The following GSTO2 variants were observed in gnomAD, a reference collection of about 807,000 sequenced individuals.
GSTO2 encodes the protein glutathione S-transferase omega 2, also known as glutathione S-transferase omega-2.
Under a neutral mutation model 28.4 loss-of-function variants are expected in GSTO2, and 23 were observed. The ratio of observed to expected loss-of-function variants is 0.81; its 90% CI spans 0.58 to 1.15. The LOEUF (loss-of-function observed/expected upper bound fraction) is 1.15, where lower values mean the gene tolerates loss of function less well. Ranked by LOEUF, GSTO2 falls within the 50% of genes most tolerant of loss-of-function variation. GSTO2 has a pLI of 0.00. For missense variants in GSTO2, 298 were observed against 297.8 expected (o/e 1.00, Z 0.00); for synonymous variants, 109 against 111.0 (o/e 0.98, Z 0.11).
At position 104,297,570 on chromosome 10, in the gene GSTO2, A is replaced by G; in HGVS notation, c.469-8A>G. On this transcript the variant is annotated splice_polypyrimidine_tract_variant and splice_region_variant and intron_variant, in intron 5 of 6. Coordinates refer to ENST00000338595, the MANE Select transcript of GSTO2 (RefSeq NM_183239.2). Reference sequence around the variant, plus strand: ...ACTTATTTGCTTTTGCTTTGTTTCCATTTTTAGATTCTTGAGTATCAGAAC... The same window carrying G: ...ACTTATTTGCTTTTGCTTTGTTTCCGTTTTTAGATTCTTGAGTATCAGAAC... The G allele has an allele frequency of 6.3e-7, 1 of 1,585,998 alleles. No individual in the cohort carries two copies. Among genetic ancestry groups the G allele is most frequent in the Middle Eastern group, 1.8e-4 (1 of 5,710 alleles).
At chr10:104,271,546 C>T (rs1411655352) in intron 1 of GSTO2, among the ~76,000 whole-genome samples, 1 of 148,742 alleles carries the variant, frequency 6.7e-6, no homozygotes, top group Admixed American at 6.6e-5. Flanking sequence ...GATAGCTTGC[C>T]TAAGTGCCAA....
intron 1 of GSTO2, among the ~76,000 whole-genome samples, chr10:104,272,402 T>C (rs1368210698): frequency 6.6e-6 from 1 of 152,030 alleles, no homozygotes; most frequent in African/African-American, 2.4e-5. Context: ...GTAAAAACAT[T>C]TGCCAATCAT....
At chr10:104,281,045 C>T (rs1344004212) in intron 5 of GSTO2, among the ~76,000 whole-genome samples, 1 of 152,178 alleles carries the variant, frequency 6.6e-6, no homozygotes, top group Non-Finnish European at 1.5e-5. Flanking sequence ...GAACCTTGGG[C>T]AATGTTCTGT....
At position 104,297,641 on chromosome 10, in the gene GSTO2, C is replaced by T. The variant is rs1389038334; in HGVS notation, c.532C>T (p.Leu178Phe). The T allele has an allele frequency of 3.1e-6, 5 of 1,613,788 alleles. No homozygotes were observed. The highest frequency in any genetic ancestry group is 4.2e-6 in the Non-Finnish European group (5 of 1,179,744). Reference protein sequence around the residue: ...GTCISMIDYLLWPWFERLDVY... With the variant: ...GTCISMIDYLFWPWFERLDVY... ...CTGTATATCCATGATTGATTACCTC[C>T]TCTGGCCCTGGTTTGAGCGGCTGGA... Residue 178 changes from leucine (L) to phenylalanine (F), a missense_variant, in exon 6 of 7, where the codon CTC becomes TTC. Transcript: ENST00000338595.
chr10:104,270,660 C>G (rs150747603), intron 1 of GSTO2, among the ~76,000 whole-genome samples: 96 of 152,254 alleles, frequency 6.3e-4, no homozygotes, highest in African/African-American at 2.2e-3. Context: ...TTTTACCTAA[C>G]GTATCTCACT....
chr10:104,274,839 T>A lies in GSTO2; in HGVS notation c.-77T>A. The A allele has an allele frequency of 1.3e-6, 2 of 1,547,162 alleles. No homozygotes were observed. Among genetic ancestry groups the A allele is most frequent in the Non-Finnish European group, 1.8e-6 (2 of 1,136,392 alleles). ...GTGCGCGCCAGAGCGCAGCTGTTTC[T>A]GGAGCCTGCGGCAGCGGTGGCGAGC... On this transcript the variant is annotated 5_prime_UTR_variant, in exon 2 of 7. Transcript: ENST00000338595.
intron 1 of GSTO2, among the ~76,000 whole-genome samples, chr10:104,272,138 G>A (rs771662259): frequency 6.6e-6 from 1 of 152,162 alleles, no homozygotes; most frequent in African/African-American, 2.4e-5. Context: ...TATTGATAGT[G>A]GAAGAGACTG....
At chr10:104,276,545 A>G (rs1255737920) in intron 3 of GSTO2, among the ~76,000 whole-genome samples, 1 of 152,118 alleles carries the variant, frequency 6.6e-6, no homozygotes, top group Non-Finnish European at 1.5e-5. Context: ...CCTATGCACT[A>G]CCTTCAGTTG....
intron 3 of GSTO2, among the ~76,000 whole-genome samples, chr10:104,276,955 T>G (rs529262711): frequency 2.6e-5 from 4 of 152,162 alleles, no homozygotes; most frequent in African/African-American, 9.7e-5. Flanking sequence ...GAAGAAGAAT[T>G]AAAAAAGTTA....
chr10:104,269,406 TCCTATTTAG>T, intron 1 of GSTO2, 137 bp downstream of exon 1: 1 of 152,216 alleles, frequency 6.6e-6, no homozygotes, highest in Non-Finnish European at 1.5e-5. Context: ...TTACGAGAAA[TCCTATTTAG>T]CCTTGGCCAC....
In GSTO2 at chr10:104,299,174, A is replaced by G. The variant is rs1326028332; in HGVS notation, c.622A>G (p.Lys208Glu). Residue 208 changes from lysine to glutamate, a missense_variant, in exon 7 of 7, where the codon AAG becomes GAG. Transcript: ENST00000338595. ...CCTGCGGCTCTGGATATCAGCCATG[A>G]AGTGGGACCCCACAGTCTGTGCTCT... Reference protein sequence around the residue: ...PALRLWISAMKWDPTVCALLM... With the variant: ...PALRLWISAMEWDPTVCALLM... 6.2e-7 allele frequency: 1 copy of G among 1,614,240 alleles called. No individual in the cohort carries two copies. Among genetic ancestry groups the G allele is most frequent in the Non-Finnish European group, 8.5e-7 (1 of 1,180,038 alleles).
chr10:104,272,586 A>ATTTTTTTT (rs1564841555), intron 1 of GSTO2, among the ~76,000 whole-genome samples: 2 of 56,900 alleles, frequency 3.5e-5, no homozygotes, highest in Non-Finnish European at 4.4e-5. Context: ...CAGTTATGGG[A>ATTTTTTTT]CTTTTTTTTT....
chr10:104,273,590 C>T (rs914916163), intron 1 of GSTO2, among the ~76,000 whole-genome samples: 1 of 152,190 alleles, frequency 6.6e-6, no homozygotes. Context: ...TAGGCTCTGT[C>T]ATTTTAATAA....
chr10:104,276,062 A>G (rs987103958), intron 3 of GSTO2, among the ~76,000 whole-genome samples: 1 of 152,162 alleles, frequency 6.6e-6, no homozygotes, highest in Non-Finnish European at 1.5e-5. Flanking sequence ...TGGACTGCAT[A>G]ATGCAGCTGG....
chr10:104,286,490 C>A (rs1223271039), intron 5 of GSTO2, among the ~76,000 whole-genome samples: 1 of 152,216 alleles, frequency 6.6e-6, no homozygotes, highest in Non-Finnish European at 1.5e-5. Flanking sequence ...GAAGGTTCCA[C>A]TCTTGGAACT....
In GSTO2 at chr10:104,279,429, T is replaced by A; in HGVS notation, c.426T>A (p.Asn142Lys). The change falls in exon 5 of 7, where the codon AAT becomes AAA. Residue 142 changes from asparagine (N) to lysine (K), a missense_variant. Coordinates refer to ENST00000338595, the MANE Select transcript of GSTO2 (RefSeq NM_183239.2). ...VALRCGRECT[N>K]LKAALRQEFS... ...TGAGATGTGGGAGAGAATGCACTAA[T>A]CTGAAGGCAGCCCTGCGTCAGGAAT... is the stretch of plus-strand genomic sequence containing the variant. The A allele has an allele frequency of 6.2e-7, 1 of 1,614,086 alleles. No homozygotes were observed. Among genetic ancestry groups the A allele is most frequent in the East Asian group, 2.2e-5 (1 of 44,878 alleles).
intron 5 of GSTO2, among the ~76,000 whole-genome samples, chr10:104,289,943 T>A (rs1014676376): frequency 2.6e-5 from 4 of 152,040 alleles, no homozygotes; most frequent in Non-Finnish European, 5.9e-5. Flanking sequence ...CGAATACTGG[T>A]GAGGATGTGG....
intron 5 of GSTO2, chr10:104,296,871 G>C (rs571068930): frequency 6.6e-6 from 1 of 151,750 alleles, no homozygotes; most frequent in African/African-American, 2.4e-5. Context: ...CCTCCGCCTC[G>C]CGGGTTCAAG....
intron 5 of GSTO2, chr10:104,295,948 C>G (rs963548944): frequency 2.6e-5 from 4 of 152,212 alleles, no homozygotes; most frequent in Non-Finnish European, 5.9e-5. Context: ...CACAACTCAC[C>G]TGGGCCCAGC....
Sources: allele counts gnomAD v4.1 joint callset (sites outside exome capture counted in the v4.1 genomes callset), GRCh38; gene constraint gnomAD v4.1.1; transcripts MANE v1.5; gene names NCBI Gene and HGNC (gene_info 2026-07-23, HGNC 2026-07-21).